GPC5: variants seen among roughly 807,000 people sequenced by gnomAD.
GPC5 encodes the protein glypican-5.
GPC5 carries 47 observed loss-of-function variants against 53.9 expected under a neutral mutation model. The observed-to-expected ratio is 0.87, with a 90% confidence interval of 0.69 to 1.11. The LOEUF (loss-of-function observed/expected upper bound fraction) is 1.11. Ranked by LOEUF, GPC5 falls within the 50% of genes most tolerant of loss-of-function variation. GPC5 has a pLI of 0.00. For synonymous variants in GPC5, 286 were observed against 263.3 expected, an observed-to-expected ratio of 1.09 and a Z score of -0.84; for missense variants, 748 against 713.1, an observed-to-expected ratio of 1.05 and a Z score of -0.56.
At chr13:92,484,507 T>C (rs1879480258) in intron 7 of GPC5, 1 of 152,176 alleles carries the variant, frequency 6.6e-6, no homozygotes, top group Admixed American at 6.5e-5. Flanking sequence ...AGTAGGTTTG[T>C]CTACATCAGC....
At chr13:92,529,540 T>C (rs1440244109) in intron 7 of GPC5, among the ~76,000 whole-genome samples, 1 of 152,170 alleles carries the variant, frequency 6.6e-6, no homozygotes, top group African/African-American at 2.4e-5. Flanking sequence ...AGTAACTGTC[T>C]TTAGGTGGCT....
At chr13:92,102,220 A>C (rs185955355) in intron 6 of GPC5, among the ~76,000 whole-genome samples, 1 of 152,328 alleles carries the variant, frequency 6.6e-6, no homozygotes, top group African/African-American at 2.4e-5. Context: ...ATAAAGTGGG[A>C]AACAAGAGCA....
intron 7 of GPC5, among the ~76,000 whole-genome samples, chr13:92,454,626 C>T (rs373104094): frequency 4.6e-5 from 7 of 152,174 alleles, no homozygotes; most frequent in African/African-American, 1.7e-4. Flanking sequence ...GATCCCTGCC[C>T]TCAAGGAGCT....
chr13:92,117,529 C>T (rs911212734), intron 6 of GPC5, among the ~76,000 whole-genome samples: 5 of 152,078 alleles, frequency 3.3e-5, no homozygotes, highest in Non-Finnish European at 7.4e-5. Flanking sequence ...ATCCTTGTGG[C>T]ATTTGATTTG....
chr13:91,954,219 T>C (rs939332852), intron 6 of GPC5, among the ~76,000 whole-genome samples: 2 of 152,164 alleles, frequency 1.3e-5, no homozygotes, highest in African/African-American at 4.8e-5. Context: ...AAGGGATGGC[T>C]AGTCCCAACA....
chr13:91,956,517 A>G (rs901236261), intron 6 of GPC5, among the ~76,000 whole-genome samples: 3 of 152,122 alleles, frequency 2.0e-5, no homozygotes, highest in Non-Finnish European at 4.4e-5. Flanking sequence ...GAAAGCCGCC[A>G]GAAATGGCCT....
Position 91,920,758 on chromosome 13 carries a change from G to A in GPC5, c.1401+12701G>A, listed in dbSNP as rs535853810. ...CTCAGCAGGAATACTAGAAGACAAT[G>A]CATAAAAAATGCCTTCAAATTATGA... On this transcript the variant is annotated intron_variant, in intron 6 of 7. Transcript: ENST00000377067. Among the ~76,000 whole-genome samples, 10 of 152,142 alleles carry A rather than the reference G, an allele frequency of 6.6e-5. No individual in the cohort carries two copies. In the South Asian group the frequency reaches 1.0e-3, roughly 16 times the overall value.
At chr13:91,516,438 C>T (rs1276862345) in intron 2 of GPC5, among the ~76,000 whole-genome samples, 1 of 152,230 alleles carries the variant, frequency 6.6e-6, no homozygotes, top group Non-Finnish European at 1.5e-5. Flanking sequence ...CCTCCTTTGA[C>T]TCAAGTTCTC....
chr13:92,684,234 C>T (rs1282724243), intron 7 of GPC5, among the ~76,000 whole-genome samples: 1 of 151,908 alleles, frequency 6.6e-6, no homozygotes, highest in African/African-American at 2.4e-5. Flanking sequence ...TCTTCCATGC[C>T]TTTTTATGGC....
At chr13:92,552,430 T>C (rs1160920804) in intron 7 of GPC5, among the ~76,000 whole-genome samples, 3 of 151,918 alleles carry the variant, frequency 2.0e-5, no homozygotes, top group African/African-American at 7.2e-5. Flanking sequence ...GTCAATTTTA[T>C]ATTTGAAGAG....
At chr13:91,950,697 C>G (rs1195641290) in intron 6 of GPC5, among the ~76,000 whole-genome samples, 1 of 152,178 alleles carries the variant, frequency 6.6e-6, no homozygotes, top group Non-Finnish European at 1.5e-5. Flanking sequence ...GTGCTGTATA[C>G]TCTGCGCTTT....
At chr13:91,478,686 G>A (rs1341800773) in intron 2 of GPC5, among the ~76,000 whole-genome samples, 1 of 149,430 alleles carries the variant, frequency 6.7e-6, no homozygotes, top group Non-Finnish European at 1.5e-5. Context: ...GATGAAAAGA[G>A]CATAACAACA....
At chr13:91,611,507 C>T (rs2033548068) in intron 2 of GPC5, among the ~76,000 whole-genome samples, 1 of 152,170 alleles carries the variant, frequency 6.6e-6, no homozygotes, top group Non-Finnish European at 1.5e-5. Flanking sequence ...TTTAAAGAAC[C>T]TTCAGCCATT....
chr13:92,709,375 G>A (rs1172485928), intron 7 of GPC5: 4 of 151,966 alleles, frequency 2.6e-5, no homozygotes, highest in Non-Finnish European at 5.9e-5. Context: ...TAAGATAATA[G>A]GTCACATCAC....
intron 7 of GPC5, among the ~76,000 whole-genome samples, chr13:92,690,969 A>G (rs1230376337): frequency 1.6e-5 from 1 of 63,980 alleles, no homozygotes; most frequent in Admixed American, 2.3e-4. Context: ...GCTCTCTTCA[A>G]AGCTGTCAGA....
intron 7 of GPC5, among the ~76,000 whole-genome samples, chr13:92,223,822 T>G (rs1003832442): frequency 6.6e-6 from 1 of 152,152 alleles, no homozygotes; most frequent in Non-Finnish European, 1.5e-5. Flanking sequence ...AAAACCTTCT[T>G]AAGTCAACAA....
At chr13:91,989,683 G>T (rs1379881823) in intron 6 of GPC5, among the ~76,000 whole-genome samples, 1 of 152,008 alleles carries the variant, frequency 6.6e-6, no homozygotes, top group Non-Finnish European at 1.5e-5. Context: ...TAGTGTTCTG[G>T]TTCAATAAGC....
intron 7 of GPC5, among the ~76,000 whole-genome samples, chr13:92,353,095 C>T (rs931230250): frequency 6.6e-6 from 1 of 151,190 alleles, no homozygotes; most frequent in Non-Finnish European, 1.5e-5. Flanking sequence ...CCCGTCTCTA[C>T]TAAAAATACA....
At chr13:92,081,976 T>C (rs2041299394) in intron 6 of GPC5, among the ~76,000 whole-genome samples, 1 of 152,062 alleles carries the variant, frequency 6.6e-6, no homozygotes, top group African/African-American at 2.4e-5. Context: ...TATAAATAGA[T>C]AGAAAATCAA....
Sources: allele counts gnomAD v4.1 joint callset (sites outside exome capture counted in the v4.1 genomes callset), GRCh38; gene constraint gnomAD v4.1.1; transcripts MANE v1.5; gene names NCBI Gene and HGNC (gene_info 2026-07-23, HGNC 2026-07-21).